RHBDD2: variants seen among roughly 807,000 people sequenced by gnomAD.
The protein encoded by RHBDD2 is rhomboid domain containing 2.
Under a neutral mutation model 21.7 loss-of-function variants are expected in RHBDD2, and 13 were observed. The observed-to-expected ratio is 0.60, with a 90% CI of 0.39 to 0.95. The LOEUF (loss-of-function observed/expected upper bound fraction) is 0.95, where lower values mean the gene tolerates loss of function less well. Among genes scored for constraint, RHBDD2 ranks in the 40% least tolerant of loss-of-function variants. The pLI is 0.00. For synonymous variants in RHBDD2, 225 were observed against 220.0 expected (o/e 1.02, Z -0.20); for missense variants, 473 against 478.9 (o/e 0.99, Z 0.11).
chr7:75,887,306 TAAA>T (rs551487813), intron 3 of RHBDD2, among the ~76,000 whole-genome samples: 1 of 127,696 alleles, frequency 7.8e-6, no homozygotes, highest in Non-Finnish European at 1.7e-5. Context: ...CCTGGCTAAT[TAAA>T]AAAAAAAAAA....
chr7:75,884,925 CCAA>C (rs1447680681), intron 3 of RHBDD2, among the ~76,000 whole-genome samples: 3 of 152,078 alleles, frequency 2.0e-5, no homozygotes, highest in African/African-American at 7.2e-5. Flanking sequence ...ACGAGCCTGG[CCAA>C]CGTGATGAAA....
chr7:75,885,273 G>C (rs573870344), intron 3 of RHBDD2, among the ~76,000 whole-genome samples: 1 of 152,250 alleles, frequency 6.6e-6, no homozygotes, highest in South Asian at 2.1e-4. Flanking sequence ...AGCTTGTGTG[G>C]CCTGGCTGCT....
chr7:75,881,836 G>C lies in RHBDD2; in HGVS notation c.186G>C (p.Arg62Ser). 1 of 1,601,230 alleles carries C rather than the reference G, an allele frequency of 6.2e-7. No individual in the cohort carries two copies. The highest frequency in any genetic ancestry group is 8.5e-7 in the Non-Finnish European group (1 of 1,171,804). ...SEALRNWQVY[R>S]LVTYIFVYEN... ...ACCCGACTCCCTCTGCAGTTTACAG[G>C]CTGGTAACCTACATCTTTGTCTACG... The change falls in exon 2 of 4, where the codon AGG becomes AGC. Residue 62 changes from arginine to serine, a missense_variant. Transcript: ENST00000006777.
intron 3 of RHBDD2, among the ~76,000 whole-genome samples, chr7:75,887,134 A>ATTTT (rs528254017): frequency 1.6e-5 from 2 of 124,290 alleles, no homozygotes; most frequent in Non-Finnish European, 1.7e-5. Context: ...TTGATAGATA[A>ATTTT]TTTTTTTTTT....
chr7:75,880,314 A>T (rs1805245168), intron 1 of RHBDD2: 1 of 152,146 alleles, frequency 6.6e-6, no homozygotes, highest in Admixed American at 6.6e-5. Context: ...GGCCAGACTG[A>T]GGTATATGGT....
intron 1 of RHBDD2, 85 bp from the exon 2 acceptor site, chr7:75,881,744 C>T (rs1219925883): frequency 7.3e-7 from 1 of 1,362,554 alleles, no homozygotes; most frequent in African/African-American, 1.5e-5. Context: ...GAGGGGGGCT[C>T]TCTGCCTTTC....
Position 75,882,020 on chromosome 7 carries a change from T to C in RHBDD2, c.370T>C (p.Ser124Pro). 6.2e-7 allele frequency: 1 copy of C among 1,614,234 alleles called. No individual in the cohort carries two copies. Among genetic ancestry groups the C allele is most frequent in the Non-Finnish European group, 8.5e-7 (1 of 1,180,034 alleles). ...FLSFEAVSSL[S>P]KLGEVEDARG... is the part of the protein sequence containing the mutation. ...GTCATTCGAGGCTGTGTCATCACTG[T>C]CAAAGCTGGGGGAAGTGGAGGATGC... Residue 124 changes from serine to proline, a missense_variant, in exon 2 of 4, where the codon TCA becomes CCA. By Grantham distance (74) the Ser-to-Pro change is moderately conservative. Transcript: ENST00000006777.
intron 3 of RHBDD2, among the ~76,000 whole-genome samples, chr7:75,885,118 G>GA (rs113612856): frequency 1.6e-3 from 159 of 99,592 alleles, no homozygotes; most frequent in East Asian, 0.012. Flanking sequence ...TGTCTCCCAA[G>GA]AAAAAAAAAA....
Position 75,882,179 on chromosome 7 carries a change from C to G in RHBDD2, c.529C>G (p.Leu177Val). The change falls in exon 2 of 4, where the codon CTC becomes GTC. Residue 177 changes from leucine to valine, a missense_variant. Transcript: ENST00000006777. ...VPWLLLGASW[L>V]IPQTSFLSNV... ...GTGGCTCCTGCTGGGTGCCTCGTGG[C>G]TCATTCCCCAGACCTCTTTCCTCAG... The G allele has an allele frequency of 6.2e-7, 1 of 1,614,120 alleles. No homozygotes were observed.
At chr7:75,883,283 G>A (rs782044444) in intron 2 of RHBDD2, among the ~76,000 whole-genome samples, 1 of 152,094 alleles carries the variant, frequency 6.6e-6, no homozygotes, top group Non-Finnish European at 1.5e-5. Flanking sequence ...CACTTTGGGA[G>A]GCTGAGGCAG....
At chr7:75,883,898 T>C (rs4728517) in intron 3 of RHBDD2, 50 bp downstream of exon 3, 1 of 1,477,874 alleles carries the variant, frequency 6.8e-7, no homozygotes, top group Admixed American at 2.1e-5. Context: ...AAAAAAAAAA[T>C]TATTTTTTTT....
rs1449277740 is a variant in RHBDD2, at chr7:75,879,276, CCGGGATCG to C, written c.178+21_178+28del. ...AACTGGCAAGGTGAGCAGGGGCGGGCCGGGATCGCGGGGCGAGTCCTTGTCCTCCGACT... is the reference window on the plus strand; with the variant it reads ...AACTGGCAAGGTGAGCAGGGGCGGGCCGGGGCGAGTCCTTGTCCTCCGACT... On this transcript the variant is annotated intron_variant, in intron 1 of 3. Transcript: ENST00000006777. 6.4e-5 allele frequency: 94 copies of C among 1,462,820 alleles called. No homozygotes were observed. The highest frequency in any genetic ancestry group is 8.4e-5 in the Non-Finnish European group (93 of 1,106,152). The allele number at this position is 1,462,820 out of a possible 1,614,324, so 90.6% of individuals were successfully genotyped here.
chr7:75,882,393 A>G (rs1468273200), intron 2 of RHBDD2, among the ~76,000 whole-genome samples, 157 bp downstream of exon 2: 9 of 152,048 alleles, frequency 5.9e-5, no homozygotes, highest in African/African-American at 4.8e-5. Context: ...CAGGATCTCA[A>G]CTCACTGCAA....
In RHBDD2 at chr7:75,888,117, C is replaced by T. The variant is rs375911996; in HGVS notation, c.863C>T (p.Pro288Leu). 40 of 1,613,862 alleles carry T rather than the reference C, an allele frequency of 2.5e-5. No homozygotes were observed. In the African/African-American group the frequency reaches 3.1e-4, roughly 12 times the overall value. Residue 288 changes from proline to leucine, a missense_variant, in exon 4 of 4, where the codon CCC becomes CTC. Pro to Leu is a moderately conservative substitution (Grantham distance 98). Transcript: ENST00000006777. ...CTGGCCTCCTGGCCCTCCTGCACCC[C>T]CGGGCACATGCCCACCTTGCCTCCG... ...QKLASWPSCT[P>L]GHMPTLPPYQ...
Position 75,883,705 on chromosome 7 carries a change from C to T in RHBDD2, c.594C>T (p.Leu198=), listed in dbSNP as rs782728412. ...TTAACACGCCAACCTCAGATGGCCT[C>T]ACCTACTGCTATTCCATCGACCTCT... ...CGLSIGLAYG[L]TYCYSIDLSE... is the part of the protein sequence containing the mutation. Residue 198 remains leucine (L), a synonymous_variant, in exon 3 of 4, where the codon CTC becomes CTT. Coordinates refer to ENST00000006777, the MANE Select transcript of RHBDD2 (RefSeq NM_001040456.3). 2 of 1,613,280 alleles carry T rather than the reference C, an allele frequency of 1.2e-6. No homozygotes were observed. The highest frequency in any genetic ancestry group is 2.2e-5 in the East Asian group (1 of 44,858).
chr7:75,885,004 C>T (rs1428068259), intron 3 of RHBDD2, among the ~76,000 whole-genome samples: 4 of 151,732 alleles, frequency 2.6e-5, no homozygotes, highest in Non-Finnish European at 5.9e-5. Context: ...ATCCCAGCTA[C>T]TCAGGAGGCT....
intron 3 of RHBDD2, among the ~76,000 whole-genome samples, chr7:75,885,809 C>T (rs984402877): frequency 2.6e-5 from 4 of 152,208 alleles, no homozygotes; most frequent in African/African-American, 9.6e-5. Context: ...GCAAGGTCTG[C>T]CCCCGTGACC....
At chr7:75,887,245 C>G (rs184277704) in intron 3 of RHBDD2, among the ~76,000 whole-genome samples, 2 of 149,534 alleles carry the variant, frequency 1.3e-5, no homozygotes, top group Admixed American at 1.3e-4. Flanking sequence ...TTAAGCAGTC[C>G]TCCTACCTCA....
At position 75,888,886 on chromosome 7, in the gene RHBDD2, A is replaced by G. The variant is rs1039534675; in HGVS notation, c.*537A>G. 1 of 157,646 alleles carries G rather than the reference A, an allele frequency of 6.3e-6. No homozygotes were observed. Among genetic ancestry groups the G allele is most frequent in the Non-Finnish European group, 1.4e-5 (1 of 71,192 alleles). The allele number at this position is 157,646 out of a possible 1,614,324, so 9.8% of individuals were successfully genotyped here. On this transcript the variant is annotated 3_prime_UTR_variant, in exon 4 of 4. Transcript: ENST00000006777. ...ACTGCAGCAGCATGCTGAGGTGTCC[A>G]TGTTGTCTGCCTTTGTATAAAGAAA...
Sources: gnomAD v4.1 joint callset for allele counts (sites outside exome capture counted in the v4.1 genomes callset) on GRCh38, gnomAD v4.1.1 for gene constraint, MANE v1.5 for transcripts, NCBI Gene and HGNC (gene_info 2026-07-23, HGNC 2026-07-21) for gene names.